SLC25A26: variants seen among roughly 807,000 people sequenced by gnomAD.
The protein encoded by SLC25A26 is solute carrier family 25 member 26.
Under a neutral mutation model 37.8 loss-of-function variants are expected in SLC25A26, and 36 were observed. That is an observed-to-expected ratio of 0.95 (90% CI 0.73 to 1.26). The LOEUF is 1.26. SLC25A26 is among the 50% of genes most tolerant of loss of function. The probability of loss-of-function intolerance (pLI) is 0.00; values close to 1 mark genes in which losing one functional copy is unlikely to be tolerated. For synonymous variants in SLC25A26, 129 were observed against 122.5 expected (o/e 1.05, Z -0.35); for missense variants, 390 against 331.1 (o/e 1.18, Z -1.38).
chr3:66,218,560 T>TTAGG (rs2071395281), upstream of SLC25A26, among the ~76,000 whole-genome samples: 1 of 152,224 alleles, frequency 6.6e-6, no homozygotes, highest in Non-Finnish European at 1.5e-5. Context: ...GTGATCCTCA[T>TTAGG]CTTCCGGTAT....
At chr3:66,283,681 G>A (rs1019141574) in intron 5 of SLC25A26, among the ~76,000 whole-genome samples, 1 of 152,156 alleles carries the variant, frequency 6.6e-6, no homozygotes, top group Non-Finnish European at 1.5e-5. Context: ...TTTAGTAGGT[G>A]TGTAATAATA....
chr3:66,308,137 G>A (rs896912223), intron 5 of SLC25A26, among the ~76,000 whole-genome samples: 1 of 152,158 alleles, frequency 6.6e-6, no homozygotes, highest in Non-Finnish European at 1.5e-5. Flanking sequence ...CCATGAGCAT[G>A]GAGTGTTTTT....
chr3:66,179,959 G>A (rs1405642330), intron 1 of SLC25A26, among the ~76,000 whole-genome samples: 1 of 152,194 alleles, frequency 6.6e-6, no homozygotes, highest in Non-Finnish European at 1.5e-5. Flanking sequence ...AAGTTCTGAA[G>A]TCTGATACTG....
intron 5 of SLC25A26, among the ~76,000 whole-genome samples, chr3:66,275,855 A>G (rs1446850398): frequency 6.6e-6 from 1 of 152,136 alleles, no homozygotes; most frequent in Non-Finnish European, 1.5e-5. Flanking sequence ...ACTTATGAAG[A>G]AGATCCTTCA....
At chr3:66,297,402 T>G (rs2074939597) in intron 5 of SLC25A26, among the ~76,000 whole-genome samples, 1 of 152,152 alleles carries the variant, frequency 6.6e-6, no homozygotes, top group African/African-American at 2.4e-5. Context: ...AGTAAAGTCA[T>G]TTTTTCTTTT....
intron 1 of SLC25A26, among the ~76,000 whole-genome samples, chr3:66,208,974 G>GTGTATA (rs1224075955): frequency 0.12 from 9,643 of 83,088 alleles, 902 homozygotes; most frequent in East Asian, 0.32. Flanking sequence ...ATAAAGGTGT[G>GTGTATA]TATATATATA....
intron 5 of SLC25A26, among the ~76,000 whole-genome samples, chr3:66,278,930 A>G (rs1396162240): frequency 6.6e-6 from 1 of 152,092 alleles, no homozygotes; most frequent in Non-Finnish European, 1.5e-5. Flanking sequence ...GTACCGGTGA[A>G]CTAGTGTTTG....
intron 1 of SLC25A26, among the ~76,000 whole-genome samples, chr3:66,185,303 G>T (rs1469639058): frequency 6.6e-6 from 1 of 152,088 alleles, no homozygotes; most frequent in Non-Finnish European, 1.5e-5. Context: ...CCTTTTTAAG[G>T]CTGAATAATA....
At chr3:66,354,188 G>C (rs984932725) in intron 6 of SLC25A26, among the ~76,000 whole-genome samples, 1 of 150,898 alleles carries the variant, frequency 6.6e-6, no homozygotes, top group Admixed American at 6.6e-5. Flanking sequence ...CTTAGTGTGA[G>C]ACATCAGTTT....
intron 1 of SLC25A26, among the ~76,000 whole-genome samples, chr3:66,182,263 C>T (rs990491386): frequency 3.3e-5 from 5 of 151,926 alleles, no homozygotes; most frequent in East Asian, 3.9e-4. Context: ...TGGTAGGGCG[C>T]GGTGTTTGAA....
At chr3:66,270,256 A>ATAAT (rs1162238788) in intron 5 of SLC25A26, among the ~76,000 whole-genome samples, 1 of 152,224 alleles carries the variant, frequency 6.6e-6, no homozygotes, top group Non-Finnish European at 1.5e-5. Flanking sequence ...AGTAAGTGCT[A>ATAAT]TAATTATTCA....
chr3:66,246,134 C>T (rs539185708), intron 3 of SLC25A26, among the ~76,000 whole-genome samples: 26 of 152,326 alleles, frequency 1.7e-4, no homozygotes, highest in African/African-American at 6.0e-4. Context: ...CGTGTTGTAG[C>T]ATCTGTTAGT....
chr3:66,221,346 G>C (rs2071484597), intron 1 of SLC25A26, among the ~76,000 whole-genome samples: 1 of 152,216 alleles, frequency 6.6e-6, no homozygotes, highest in Non-Finnish European at 1.5e-5. Flanking sequence ...CCAGGTGGGG[G>C]AAGGAAGGTG....
At chr3:66,364,726 T>G (rs935512749) in intron 7 of SLC25A26, among the ~76,000 whole-genome samples, 9 of 152,224 alleles carry the variant, frequency 5.9e-5, no homozygotes, top group Non-Finnish European at 1.2e-4. Context: ...AATGAAAACC[T>G]ACTTTCACAG....
At chr3:66,347,467 A>G (rs1012442443) in intron 6 of SLC25A26, among the ~76,000 whole-genome samples, 1 of 152,190 alleles carries the variant, frequency 6.6e-6, no homozygotes, top group Non-Finnish European at 1.5e-5. Context: ...TAAAAAGTCA[A>G]GAAACAACAG....
intron 1 of SLC25A26, among the ~76,000 whole-genome samples, chr3:66,195,581 C>G (rs996512706): frequency 6.6e-6 from 1 of 152,246 alleles, no homozygotes; most frequent in South Asian, 2.1e-4. Flanking sequence ...GGCAGGCCCT[C>G]GGGCTAGCGT....
chr3:66,233,466 T>C (rs1027568594), intron 1 of SLC25A26, among the ~76,000 whole-genome samples: 2 of 152,188 alleles, frequency 1.3e-5, no homozygotes, highest in Non-Finnish European at 2.9e-5. Context: ...ACTTGCCTGA[T>C]AACTTTCTGA....
intron 5 of SLC25A26, chr3:66,304,423 G>C (rs2107573083): frequency 2.2e-6 from 1 of 456,268 alleles, no homozygotes; most frequent in South Asian, 1.5e-5. Context: ...TCACATGTCT[G>C]TTGTCATATT....
chr3:66,247,747 T>C (rs1418369435), intron 3 of SLC25A26, among the ~76,000 whole-genome samples: 1 of 152,252 alleles, frequency 6.6e-6, no homozygotes, highest in Non-Finnish European at 1.5e-5. Context: ...AGCCATTCAG[T>C]ATGAATTTTC....
Sources: gnomAD v4.1 joint callset for allele counts (sites outside exome capture counted in the v4.1 genomes callset) on GRCh38, gnomAD v4.1.1 for gene constraint, MANE v1.5 for transcripts, NCBI Gene and HGNC (gene_info 2026-07-23, HGNC 2026-07-21) for gene names.